NPAT: variants seen among roughly 807,000 people sequenced by gnomAD.
NPAT encodes protein NPAT.
In NPAT, 52 loss-of-function variants were observed where a neutral mutation model predicts 130.7. The ratio of observed to expected loss-of-function variants is 0.40; its 90% CI spans 0.32 to 0.50. NPAT has a LOEUF of 0.50. Ranked by LOEUF, NPAT falls within the 20% of genes least tolerant of loss-of-function variation. The pLI is 0.68. For missense variants in NPAT, 1,687 were observed against 1,662.6 expected, an observed-to-expected ratio of 1.01 and a Z score of -0.26; for synonymous variants, 580 against 584.8, an observed-to-expected ratio of 0.99 and a Z score of 0.12.
chr11:108,185,096 GTAAA>G, intron 10 of NPAT, 132 bp downstream of exon 10: 5 of 721,348 alleles, frequency 6.9e-6, no homozygotes, highest in African/African-American at 1.8e-5. Context: ...TCTTACTATT[GTAAA>G]TCATTTTATC....
chr11:108,173,713 T>C lies in NPAT; in HGVS notation c.1271A>G (p.Gln424Arg), dbSNP rs2077978226. 1.2e-6 allele frequency: 2 copies of C among 1,614,082 alleles called. No homozygotes were observed. Among genetic ancestry groups the C allele is most frequent in the East Asian group, 2.2e-5 (1 of 44,888 alleles). Residue 424 changes from glutamine (Q) to arginine (R), a missense_variant, in exon 13 of 18, where the codon CAG (glutamine) becomes CGG (arginine). Physicochemically the swap from Gln to Arg is conservative, Grantham distance 43. Transcript: ENST00000278612. ...TACAGCTGTTTTAAAGGCCTTTTTC[T>C]GTATGCTGGTACTTATTTGGGAAAA... ...ENFSQISTSI[Q>R]KKAFKTAVPT...
chr11:108,160,847 G>A, intron 17 of NPAT, 33 bp downstream of exon 17: 2 of 1,578,628 alleles, frequency 1.3e-6, no homozygotes, highest in Non-Finnish European at 1.7e-6. Flanking sequence ...GAAAAAAAAG[G>A]TGTGGTTTTG....
At chr11:108,213,278 A>G (rs2078401759) in intron 1 of NPAT, among the ~76,000 whole-genome samples, 1 of 152,234 alleles carries the variant, frequency 6.6e-6, no homozygotes, top group Non-Finnish European at 1.5e-5. Flanking sequence ...TGTCCCAAAA[A>G]CAAAACGAAA....
chr11:108,181,435 A>G (rs1404092516), intron 10 of NPAT, among the ~76,000 whole-genome samples: 2 of 151,730 alleles, frequency 1.3e-5, no homozygotes, highest in Non-Finnish European at 2.9e-5. Flanking sequence ...ACTGCATTCC[A>G]GCCAGGGTGA....
chr11:108,171,437 TTA>T (rs2077950337), intron 13 of NPAT: 1 of 151,342 alleles, frequency 6.6e-6, no homozygotes. Flanking sequence ...ACAAAGGATT[TTA>T]AAGACAGAGA....
chr11:108,168,487 TGTTTA>T (rs2077920836), intron 15 of NPAT, among the ~76,000 whole-genome samples: 1 of 152,226 alleles, frequency 6.6e-6, no homozygotes, highest in African/African-American at 2.4e-5. Flanking sequence ...AGATGTATAC[TGTTTA>T]GTTTAAGGAA....
chr11:108,160,903 G>T lies in NPAT; in HGVS notation c.4183C>A (p.Pro1395Thr), dbSNP rs780223594. Reference protein sequence around the residue: ...SSKNLTNSSIPMKKKKIKKKK... With the variant: ...SSKNLTNSSITMKKKKIKKKK... ...GCCTTAATTTTCTTCTTTTTCATTG[G>T]TATTGATGAATTTGTAAGATTTTTA... The change falls in exon 17 of 18, where the codon CCA becomes ACA. Residue 1395 changes from proline to threonine, a missense_variant. Around this residue, in one of 3 missense-constraint regions of NPAT, gnomAD observed 1,379 missense variants for 1,346.6 expected, o/e 1.02. Coordinates refer to ENST00000278612, the MANE Select transcript of NPAT (RefSeq NM_002519.3). 3 of 1,613,582 alleles carry T rather than the reference G, an allele frequency of 1.9e-6. No homozygotes were observed. In the African/African-American group the frequency reaches 4.0e-5, roughly 22 times the overall value.
chr11:108,191,909 C>T (rs1042192939), intron 4 of NPAT, among the ~76,000 whole-genome samples: 9 of 152,198 alleles, frequency 5.9e-5, no homozygotes, highest in Non-Finnish European at 1.2e-4. Flanking sequence ...TAAACTACTA[C>T]ATATCTTAGT....
intron 12 of NPAT, among the ~76,000 whole-genome samples, chr11:108,175,674 G>A (rs2077999052): frequency 6.6e-6 from 1 of 152,180 alleles, no homozygotes; most frequent in South Asian, 2.1e-4. Context: ...GAGGCACACA[G>A]TCTGAGATTC....
At chr11:108,167,034 A>G (rs956088764) in intron 15 of NPAT, among the ~76,000 whole-genome samples, 1 of 152,174 alleles carries the variant, frequency 6.6e-6, no homozygotes, top group South Asian at 2.1e-4. Flanking sequence ...CTTATTTTGT[A>G]TAACACTTAA....
intron 15 of NPAT, among the ~76,000 whole-genome samples, chr11:108,165,001 C>T (rs1265524306): frequency 1.9e-4 from 29 of 151,994 alleles, no homozygotes; most frequent in Admixed American, 1.9e-3. Flanking sequence ...AAGAGTAAGA[C>T]TCTGTCTCAA....
intron 13 of NPAT, among the ~76,000 whole-genome samples, chr11:108,170,833 T>G (rs902632976): frequency 6.6e-6 from 1 of 152,202 alleles, no homozygotes; most frequent in Non-Finnish European, 1.5e-5. Flanking sequence ...CATTCTCTAT[T>G]AATTCTGACC....
rs562490380 is a variant in NPAT, at chr11:108,173,081, G to A, written c.1903C>T (p.Pro635Ser). The A allele has an allele frequency of 3.3e-5, 54 of 1,614,062 alleles. No individual in the cohort carries two copies. The East Asian group carries it at 5.6e-4, about 17-fold the overall frequency. The change falls in exon 13 of 18, where the codon CCA becomes TCA. Residue 635 changes from proline (P) to serine (S), a missense_variant. By Grantham distance (74) the Pro-to-Ser change is moderately conservative (BLOSUM62 -1). Coordinates refer to ENST00000278612, the MANE Select transcript of NPAT (RefSeq NM_002519.3). ...LGDSLSSTKQ[P>S]SNDSASVELN... ...TCAACAGATGCTGAATCATTAGATGGTTGTTTAGTAGAAGACAGCGAATCT... is the reference window on the plus strand; with the variant it reads ...TCAACAGATGCTGAATCATTAGATGATTGTTTAGTAGAAGACAGCGAATCT...
At chr11:108,160,824 A>C (rs778620683) in intron 17 of NPAT, 56 bp downstream of exon 17, 87 of 1,488,344 alleles carry the variant, frequency 5.8e-5, no homozygotes, top group Non-Finnish European at 7.8e-5. Context: ...TGAATTCGCT[A>C]ATCACTAAAG....
chr11:108,184,162 CT>C lies in NPAT; in HGVS notation c.906+1069del, dbSNP rs373567706. Among the ~76,000 whole-genome samples the C allele has an allele frequency of 2.1e-3, 316 of 152,212 alleles. 1 individual carries two copies. Among genetic ancestry groups the C allele is most frequent in the African/African-American group, 7.1e-3 (294 of 41,522 alleles). ...AGTTGTCATTTGGTTAGCAATCTTT[CT>C]TTTTAAAAAGGTCTTGCTCATTTTA... On this transcript the variant is annotated intron_variant, in intron 10 of 17. Coordinates refer to ENST00000278612, the MANE Select transcript of NPAT (RefSeq NM_002519.3).
intron 15 of NPAT, 42 bp from the exon 16 acceptor site, chr11:108,162,222 C>T (rs2077859086): frequency 1.3e-6 from 2 of 1,545,550 alleles, no homozygotes; most frequent in African/African-American, 1.4e-5. Context: ...AGAATATACT[C>T]CTCTGAAAGA....
In NPAT at chr11:108,172,359, T is replaced by G. The variant is rs1208084181; in HGVS notation, c.2625A>C (p.Pro875=). Reference sequence around the variant, plus strand: ...GACTTACAGATGTTCCTAACGCTGTTGGATCAGTCACACAGGTAGCTATCA... The same window carrying G: ...GACTTACAGATGTTCCTAACGCTGTGGGATCAGTCACACAGGTAGCTATCA... ...NILIATCVTD[P]TALGTSVSQS... The change falls in exon 13 of 18, where the codon CCA becomes CCC. Residue 875 remains proline, a synonymous_variant. Coordinates refer to ENST00000278612, the MANE Select transcript of NPAT (RefSeq NM_002519.3). The G allele has an allele frequency of 6.2e-7, 1 of 1,614,102 alleles. No individual in the cohort carries two copies. The highest frequency in any genetic ancestry group is 8.5e-7 in the Non-Finnish European group (1 of 1,180,048).
chr11:108,186,283 C>T (rs1468327388), intron 8 of NPAT, among the ~76,000 whole-genome samples, 199 bp downstream of exon 8: 1 of 152,162 alleles, frequency 6.6e-6, no homozygotes, highest in Non-Finnish European at 1.5e-5. Flanking sequence ...TCCCAAAGTG[C>T]TGGGATTACA....
chr11:108,214,621 T>A (rs1451660923), intron 1 of NPAT, among the ~76,000 whole-genome samples: 2 of 151,496 alleles, frequency 1.3e-5, no homozygotes, highest in Non-Finnish European at 1.5e-5. Context: ...AATAAAAAAA[T>A]ATGATTCCAA....
Sources: allele counts gnomAD v4.1 joint callset (sites outside exome capture counted in the v4.1 genomes callset), GRCh38; gene constraint gnomAD v4.1.1; regional missense constraint gnomAD v4.1.1; transcripts MANE v1.5; gene names NCBI Gene and HGNC (gene_info 2026-07-23, HGNC 2026-07-21).